Variants in KLHL22 observed in about 807,000 individuals in gnomAD.
KLHL22 encodes kelch like family member 22.
Under a neutral mutation model 60.7 loss-of-function variants are expected in KLHL22, and 18 were observed. That is an observed-to-expected ratio of 0.30 (90% CI 0.20 to 0.44). The LOEUF (loss-of-function observed/expected upper bound fraction) is 0.44, where lower values mean the gene tolerates loss of function less well. Ranked by LOEUF, KLHL22 falls within the 20% of genes least tolerant of loss-of-function variation. The pLI is 1.00. For missense variants in KLHL22, 596 were observed against 852.3 expected (o/e 0.70, Z 3.74); for synonymous variants, 355 against 354.5 (o/e 1.00, Z -0.01).
At chr22:20,494,267 G>T (rs548635573) in intron 1 of KLHL22, among the ~76,000 whole-genome samples, 1 of 152,238 alleles carries the variant, frequency 6.6e-6, no homozygotes, top group East Asian at 1.9e-4. Flanking sequence ...GCTATCTGGG[G>T]TGAGACAGCT....
intron 6 of KLHL22, 144 bp from the exon 7 acceptor site, chr22:20,442,582 T>A: frequency 9.7e-7 from 1 of 1,033,594 alleles, no homozygotes; most frequent in Non-Finnish European, 1.3e-6. Context: ...AGGGCCAGTG[T>A]TGAAACATCC....
chr22:20,463,775 G>A (rs1429701640), intron 4 of KLHL22, among the ~76,000 whole-genome samples: 3 of 152,176 alleles, frequency 2.0e-5, no homozygotes, highest in Admixed American at 2.0e-4. Context: ...GCCAACCTCT[G>A]AGTCTCATCA....
intron 4 of KLHL22, 73 bp downstream of exon 4, chr22:20,464,785 G>T: frequency 1.1e-6 from 1 of 928,664 alleles, no homozygotes; most frequent in Non-Finnish European, 1.6e-6. Flanking sequence ...AACCTGACCA[G>T]CTCTCTCAGC....
chr22:20,442,533 C>T, intron 6 of KLHL22, 95 bp from the exon 7 acceptor site: 2 of 1,432,508 alleles, frequency 1.4e-6, no homozygotes, highest in South Asian at 1.4e-5. Flanking sequence ...AACAGTTACC[C>T]ACCATTCTGA....
Position 20,465,088 on chromosome 22 carries a change from C to T in KLHL22, c.882G>A (p.Arg294=). Residue 294 remains arginine, a synonymous_variant, in exon 4 of 7, where the codon CGG becomes CGA. Transcript: ENST00000328879. The surrounding 1 kb of genome is among the most constrained non-coding windows in gnomAD (Gnocchi z 4.9). ...PSLQSPQTEL[R]SDFQCVVGFG... is the part of the protein sequence containing the mutation. ...AGCCCACAACGCACTGGAAGTCCGA[C>T]CGCAGCTCCGTTTGCGGGCTCTGCA... 6.2e-7 allele frequency: 1 copy of T among 1,613,754 alleles called. No homozygotes were observed. The highest frequency in any genetic ancestry group is 8.5e-7 in the Non-Finnish European group (1 of 1,179,854).
intron 2 of KLHL22, among the ~76,000 whole-genome samples, chr22:20,474,683 C>T (rs1207103027): frequency 4.6e-5 from 7 of 152,236 alleles, no homozygotes; most frequent in African/African-American, 9.6e-5. Context: ...TGAGCCACCG[C>T]GCCCAGCCAG....
At chr22:20,464,683 CCTTCT>C (rs2053203386) in intron 4 of KLHL22, among the ~76,000 whole-genome samples, 170 bp downstream of exon 4, 1 of 152,130 alleles carries the variant, frequency 6.6e-6, no homozygotes, top group Non-Finnish European at 1.5e-5. Flanking sequence ...CCACATGTCC[CCTTCT>C]CTTATCTCAC....
At chr22:20,443,115 T>C (rs1317106750) in intron 6 of KLHL22, among the ~76,000 whole-genome samples, 1 of 152,148 alleles carries the variant, frequency 6.6e-6, no homozygotes, top group African/African-American at 2.4e-5. Context: ...CCCAATGCTG[T>C]TGAGGGTGTG....
At chr22:20,445,447 C>A (rs2052843607) in intron 6 of KLHL22, among the ~76,000 whole-genome samples, 2 of 152,174 alleles carry the variant, frequency 1.3e-5, no homozygotes, top group Non-Finnish European at 2.9e-5. Flanking sequence ...ACCTCGTGAT[C>A]CACCTGCCTC....
chr22:20,481,153 C>T lies in KLHL22; in HGVS notation c.227+7832G>A, dbSNP rs8141916. The T allele has an allele frequency of 7.5e-4, 114 of 152,144 alleles. 1 individual carries two copies. Among genetic ancestry groups the T allele is most frequent in the African/African-American group, 2.7e-3 (111 of 41,524 alleles). The allele number at this position is 152,144 out of a possible 1,614,324, so 9.4% of individuals were successfully genotyped here. ...GCCTACGCCAAACATTTCTTTAAGA[C>T]GTTTGGCTGGGCCAAAGTTAGCTGA... is the stretch of plus-strand genomic sequence containing the variant. On this transcript the variant is annotated intron_variant, in intron 2 of 6. Transcript: ENST00000328879.
chr22:20,480,894 C>T (rs1435368108), intron 2 of KLHL22, among the ~76,000 whole-genome samples: 3 of 145,990 alleles, frequency 2.1e-5, no homozygotes, highest in Non-Finnish European at 3.0e-5. Context: ...TGCAGTGGCG[C>T]GATCTCGGCT....
At chr22:20,481,162 G>A (rs2053494797) in intron 2 of KLHL22, 1 of 152,104 alleles carries the variant, frequency 6.6e-6, no homozygotes, top group Admixed American at 6.5e-5. Flanking sequence ...ACGTTTGGCT[G>A]GGCCAAAGTT....
chr22:20,462,842 CAA>C (rs1270127508), intron 4 of KLHL22, among the ~76,000 whole-genome samples: 2 of 152,136 alleles, frequency 1.3e-5, no homozygotes, highest in Non-Finnish European at 2.9e-5. Context: ...ATATTGGAGA[CAA>C]ACACCATTTG....
rs545492235 is a variant in KLHL22, at chr22:20,463,738, C to A, written c.1112+1120G>T. 3.8e-4 allele frequency among the ~76,000 whole-genome samples: 58 copies of A among 152,338 alleles called. No individual in the cohort carries two copies. In the South Asian group the frequency reaches 6.8e-3, roughly 18 times the overall value. ...TTCCTTTTTTCTGAAACCTGCCCTTCCTCATATTTAACCACAATGTGTTAT... is the reference window on the plus strand; with the variant it reads ...TTCCTTTTTTCTGAAACCTGCCCTTACTCATATTTAACCACAATGTGTTAT... On this transcript the variant is annotated intron_variant, in intron 4 of 6. Coordinates refer to ENST00000328879, the MANE Select transcript of KLHL22 (RefSeq NM_032775.4).
intron 5 of KLHL22, among the ~76,000 whole-genome samples, chr22:20,449,306 C>T (rs1380316666): frequency 2.0e-5 from 3 of 152,126 alleles, no homozygotes; most frequent in Non-Finnish European, 4.4e-5. Context: ...GTGATCCACC[C>T]ACCTTGGCCT....
chr22:20,465,466 A>C lies in KLHL22; in HGVS notation c.504T>G (p.Thr168=). 1 of 1,613,574 alleles carries C rather than the reference A, an allele frequency of 6.2e-7. No individual in the cohort carries two copies. The highest frequency in any genetic ancestry group is 8.5e-7 in the Non-Finnish European group (1 of 1,179,452). ...TGAGGATATAGGTGTCCAGTTGCTC[A>C]GTCAGGCGGCTCAAGTCAAACAGCT... ...LAELFDLSRL[T]EQLDTYILKN... The change falls in exon 4 of 7, where the codon ACT becomes ACG. Residue 168 remains threonine, a synonymous_variant. Coordinates refer to ENST00000328879, the MANE Select transcript of KLHL22 (RefSeq NM_032775.4). This position sits in a 1 kb window ranked among gnomAD's most constrained non-coding sequence, Gnocchi z 4.9.
At chr22:20,458,938 G>T (rs1287443232) in intron 4 of KLHL22, among the ~76,000 whole-genome samples, 1 of 152,144 alleles carries the variant, frequency 6.6e-6, no homozygotes, top group Non-Finnish European at 1.5e-5. Context: ...GGACCCCCAT[G>T]GGAGAAAAGG....
intron 5 of KLHL22, among the ~76,000 whole-genome samples, chr22:20,455,992 A>G (rs2053057175): frequency 6.6e-6 from 1 of 152,212 alleles, no homozygotes; most frequent in Non-Finnish European, 1.5e-5. Flanking sequence ...CTTTTGCAAT[A>G]AACTGCCTTA....
chr22:20,465,853 T>C lies in KLHL22; in HGVS notation c.394-277A>G, dbSNP rs1174660183. ...TCTTTGAGACAAAGTTTCGCTCTTGTTGCCCAGAATGGAGTGCAGTGGCAG... is the reference window on the plus strand; with the variant it reads ...TCTTTGAGACAAAGTTTCGCTCTTGCTGCCCAGAATGGAGTGCAGTGGCAG... On this transcript the variant is annotated intron_variant, in intron 3 of 6. Transcript: ENST00000328879. This position sits in a 1 kb window ranked among gnomAD's most constrained non-coding sequence, Gnocchi z 4.9. 6.6e-5 allele frequency among the ~76,000 whole-genome samples: 10 copies of C among 152,122 alleles called. No homozygotes were observed. The highest frequency in any genetic ancestry group is 3.3e-4 in the Admixed American group (5 of 15,272).
Sources: allele counts gnomAD v4.1 joint callset (sites outside exome capture counted in the v4.1 genomes callset), GRCh38; gene constraint gnomAD v4.1.1; non-coding constraint Gnocchi (gnomAD v3.1); transcripts MANE v1.5; gene names NCBI Gene and HGNC (gene_info 2026-07-23, HGNC 2026-07-21).